KCNK9: variants seen among roughly 807,000 people sequenced by gnomAD.
KCNK9 encodes potassium two pore domain channel subfamily K member 9.
Under a neutral mutation model 10.8 loss-of-function variants are expected in KCNK9, and 1 was observed. The observed-to-expected ratio is 0.09, with a 90% confidence interval of 0.03 to 0.44. The LOEUF is 0.44. Ranked by LOEUF, KCNK9 falls within the 20% of genes least tolerant of loss-of-function variation. KCNK9 has a pLI of 0.97. For synonymous variants in KCNK9, 231 were observed against 222.7 expected, an observed-to-expected ratio of 1.04 and a Z score of -0.33; for missense variants, 303 against 515.0, an observed-to-expected ratio of 0.59 and a Z score of 3.98.
intron 1 of KCNK9, among the ~76,000 whole-genome samples, chr8:139,691,630 C>A (rs1359039974): frequency 6.6e-6 from 1 of 152,172 alleles, no homozygotes; most frequent in Non-Finnish European, 1.5e-5. Flanking sequence ...TACATTAAAT[C>A]ATTATAAATA....
At chr8:139,675,098 A>G (rs2129745477) in intron 1 of KCNK9, among the ~76,000 whole-genome samples, 1 of 152,300 alleles carries the variant, frequency 6.6e-6, no homozygotes, top group Non-Finnish European at 1.5e-5. Context: ...TCTCTTCCCA[A>G]GCCTCGGTTA....
chr8:139,603,860 A>G (rs779285642), intron 2 of KCNK9, among the ~76,000 whole-genome samples: 1 of 152,232 alleles, frequency 6.6e-6, no homozygotes, highest in African/African-American at 2.4e-5. Context: ...GAGAAGAGAA[A>G]TAGAAATTGC....
At chr8:139,674,904 C>G (rs556334819) in intron 1 of KCNK9, among the ~76,000 whole-genome samples, 178 of 152,236 alleles carry the variant, frequency 1.2e-3, no homozygotes, top group Non-Finnish European at 1.7e-3. Flanking sequence ...ATGGCTCTTC[C>G]TCCCCCCGAA....
At chr8:139,679,851 G>A (rs1816645888) in intron 1 of KCNK9, among the ~76,000 whole-genome samples, 1 of 152,162 alleles carries the variant, frequency 6.6e-6, no homozygotes, top group African/African-American at 2.4e-5. Context: ...AGGCTGTGGT[G>A]TCCCCAACCC....
At position 139,604,102 on chromosome 8, in the gene KCNK9, G is replaced by A. The variant is rs200134452; in HGVS notation, c.*1-2501C>T. ...GAGACTAATGTTTGGGGTAGGAGGA[G>A]CAGAGGAAGAGAAGGATGCAAGAGC... On this transcript the variant is annotated intron_variant, in intron 2 of 2. Transcript: ENST00000650269. 4.6e-5 allele frequency among the ~76,000 whole-genome samples: 7 copies of A among 152,206 alleles called. No homozygotes were observed. The East Asian group carries it at 1.4e-3, about 29-fold the overall frequency.
At chr8:139,632,927 C>G (rs1377876084) in intron 1 of KCNK9, among the ~76,000 whole-genome samples, 5 of 152,142 alleles carry the variant, frequency 3.3e-5, no homozygotes, top group Non-Finnish European at 5.9e-5. Context: ...ACCTGGAGAG[C>G]AAAGACGTAC....
At chr8:139,676,487 A>G (rs1380906407) in intron 1 of KCNK9, among the ~76,000 whole-genome samples, 1 of 152,232 alleles carries the variant, frequency 6.6e-6, no homozygotes, top group African/African-American at 2.4e-5. Flanking sequence ...ATGTCTCAGA[A>G]TAGGGCTACC....
intron 1 of KCNK9, among the ~76,000 whole-genome samples, chr8:139,700,845 G>A (rs1817201608): frequency 6.6e-6 from 1 of 152,110 alleles, no homozygotes; most frequent in African/African-American, 2.4e-5. Flanking sequence ...ATTTCTTAAG[G>A]AAAACTGGCA....
intron 1 of KCNK9, among the ~76,000 whole-genome samples, chr8:139,665,962 C>T (rs1001167435): frequency 6.6e-6 from 1 of 152,222 alleles, no homozygotes; most frequent in Non-Finnish European, 1.5e-5. Flanking sequence ...TGCATCAACA[C>T]CCGCCACACA....
intron 1 of KCNK9, among the ~76,000 whole-genome samples, chr8:139,635,297 G>T (rs533126288): frequency 1.8e-4 from 28 of 152,240 alleles, no homozygotes; most frequent in Admixed American, 6.5e-4. Flanking sequence ...ACGGAGGCCC[G>T]AGTGTCTGCG....
chr8:139,614,855 CGGT>C (rs1814533248), downstream of KCNK9, among the ~76,000 whole-genome samples: 1 of 152,124 alleles, frequency 6.6e-6, no homozygotes, highest in Non-Finnish European at 1.5e-5. Flanking sequence ...GAAGGTTGGG[CGGT>C]GGTACTGATG....
At chr8:139,616,822 C>G (rs1055625174), downstream of KCNK9, 2 of 152,100 alleles carry the variant, frequency 1.3e-5, no homozygotes, top group African/African-American at 4.8e-5. Context: ...AAATTAAAGT[C>G]CCCTCAGTGA....
At chr8:139,695,663 GGTGGGAAGGACC>G (rs1817031426) in intron 1 of KCNK9, among the ~76,000 whole-genome samples, 1 of 152,166 alleles carries the variant, frequency 6.6e-6, no homozygotes, top group Non-Finnish European at 1.5e-5. Context: ...TCCACCTGGA[GGTGGGAAGGACC>G]CTCCTCCAAT....
At chr8:139,620,749 T>A (rs990163469) in intron 1 of KCNK9, among the ~76,000 whole-genome samples, 2 of 152,064 alleles carry the variant, frequency 1.3e-5, no homozygotes, top group African/African-American at 4.8e-5. Flanking sequence ...CTGACACCCC[T>A]CTGAAACCCC....
intron 1 of KCNK9, among the ~76,000 whole-genome samples, chr8:139,625,599 C>T (rs1489901578): frequency 1.3e-5 from 2 of 152,208 alleles, no homozygotes; most frequent in Non-Finnish European, 2.9e-5. Flanking sequence ...GCCCAAGACA[C>T]AGCATCACCC....
At chr8:139,698,914 A>G (rs891722234) in intron 1 of KCNK9, among the ~76,000 whole-genome samples, 1 of 152,182 alleles carries the variant, frequency 6.6e-6, no homozygotes, top group African/African-American at 2.4e-5. Flanking sequence ...AGGGACCCCA[A>G]AGCTGTTTCT....
chr8:139,660,471 T>TATATATA (rs1816127022), intron 1 of KCNK9, among the ~76,000 whole-genome samples: 1 of 146,016 alleles, frequency 6.8e-6, no homozygotes, highest in South Asian at 2.2e-4. Flanking sequence ...TATATATATA[T>TATATATA]TAGCCGGGCA....
chr8:139,628,268 T>C (rs1815040122), intron 1 of KCNK9, among the ~76,000 whole-genome samples: 1 of 152,208 alleles, frequency 6.6e-6, no homozygotes, highest in Admixed American at 6.5e-5. Flanking sequence ...ACAAGAATCA[T>C]CAGTTGGCTC....
chr8:139,609,246 A>ACCCCCCCC (rs1220786453), downstream of KCNK9, among the ~76,000 whole-genome samples: 1 of 98,048 alleles, frequency 1.0e-5, no homozygotes, highest in Non-Finnish European at 2.0e-5. Flanking sequence ...CTGCCCCCCC[A>ACCCCCCCC]CCCCCCCCCC....
Sources: gnomAD v4.1 joint callset for allele counts (sites outside exome capture counted in the v4.1 genomes callset) on GRCh38, gnomAD v4.1.1 for gene constraint, MANE v1.5 for transcripts, NCBI Gene and HGNC (gene_info 2026-07-23, HGNC 2026-07-21) for gene names.